The following ITGB6 variants were observed in gnomAD, a reference collection of about 807,000 sequenced individuals.
ITGB6 encodes integrin beta-6.
ITGB6 carries 80 observed loss-of-function variants against 84.5 expected under a neutral mutation model. That is an observed-to-expected ratio of 0.95 (90% CI 0.79 to 1.14). The LOEUF is 1.14. Ranked by LOEUF, ITGB6 falls within the 50% of genes most tolerant of loss-of-function variation. The pLI, the probability that ITGB6 is intolerant of heterozygous loss-of-function variation, is 0.00. For missense variants in ITGB6, 1,006 were observed against 968.0 expected (o/e 1.04, Z -0.52); for synonymous variants, 383 against 354.9 (o/e 1.08, Z -0.89).
intron 4 of ITGB6, among the ~76,000 whole-genome samples, chr2:160,177,336 G>A (rs554863055): frequency 2.6e-5 from 4 of 152,214 alleles, no homozygotes; most frequent in Non-Finnish European, 4.4e-5. Flanking sequence ...GGAGGCCGAG[G>A]TGGGCGGATC....
intron 12 of ITGB6, among the ~76,000 whole-genome samples, chr2:160,117,698 A>G (rs927135304): frequency 1.3e-5 from 2 of 152,168 alleles, no homozygotes; most frequent in East Asian, 1.9e-4. Flanking sequence ...GACACAAAAA[A>G]CCCTTCAAAA....
chr2:160,160,161 A>T (rs1684764774), intron 7 of ITGB6, among the ~76,000 whole-genome samples: 2 of 152,220 alleles, frequency 1.3e-5, no homozygotes, highest in Admixed American at 6.5e-5. Context: ...TTGAATAATC[A>T]TGACAGAAAC....
chr2:160,114,706 TG>T (rs1158685879), intron 12 of ITGB6, among the ~76,000 whole-genome samples: 1 of 152,204 alleles, frequency 6.6e-6, no homozygotes, highest in Non-Finnish European at 1.5e-5. Context: ...GGCGAGGCAT[TG>T]CCTCACTCGG....
At chr2:160,147,875 A>T (rs551367712) in intron 7 of ITGB6, among the ~76,000 whole-genome samples, 55 of 152,218 alleles carry the variant, frequency 3.6e-4, no homozygotes, top group Non-Finnish European at 7.6e-4. Flanking sequence ...CTCCAAAAAG[A>T]TAATGGTAGA....
At chr2:160,133,761 C>A (rs1235906463) in intron 10 of ITGB6, among the ~76,000 whole-genome samples, 5 of 152,188 alleles carry the variant, frequency 3.3e-5, no homozygotes, top group Admixed American at 6.5e-5. Context: ...TCACTCGAAA[C>A]TGCTCAACTA....
At chr2:160,126,039 C>G (rs1683226664) in intron 11 of ITGB6, among the ~76,000 whole-genome samples, 1 of 152,174 alleles carries the variant, frequency 6.6e-6, no homozygotes, top group African/African-American at 2.4e-5. Flanking sequence ...TGGGTGTCAT[C>G]CGTCTACCTC....
At chr2:160,135,434 C>T (rs1166124563) in intron 10 of ITGB6, among the ~76,000 whole-genome samples, 5 of 149,722 alleles carry the variant, frequency 3.3e-5, no homozygotes, top group Middle Eastern at 3.5e-3. Context: ...ACATTCCATG[C>T]TCATGGGTAG....
chr2:160,121,917 A>T (rs1252526960), intron 12 of ITGB6, among the ~76,000 whole-genome samples: 1 of 151,090 alleles, frequency 6.6e-6, no homozygotes, highest in African/African-American at 2.4e-5. Context: ...GGGGAGTAAA[A>T]TACTCCCCAG....
At chr2:160,191,898 G>A (rs552965169) in intron 4 of ITGB6, among the ~76,000 whole-genome samples, 5 of 152,102 alleles carry the variant, frequency 3.3e-5, no homozygotes, top group Middle Eastern at 3.4e-3. Context: ...AATGTTAAAC[G>A]TCCCTAGAAA....
rs761842374 is a variant in ITGB6 at position 160,112,176 on chromosome 2, A to G, written c.2005T>C (p.Ser669Pro). ...TCATTTTCTCCTTGCAGAGAGCAGGAAACAGAACCATCCTTTGAGAAATCT... is the reference window on the plus strand; with the variant it reads ...TCATTTTCTCCTTGCAGAGAGCAGGGAACAGAACCATCCTTTGAGAAATCT... ...EEDFSKDGSV[S>P]CSLQGENECL... Residue 669 changes from serine to proline, a missense_variant, in exon 13 of 15, where the codon TCC (serine) becomes CCC (proline). By Grantham distance (74) the Ser-to-Pro change is moderately conservative. Transcript: ENST00000283249. The G allele has an allele frequency of 3.6e-5, 58 of 1,612,430 alleles. 1 individual carries two copies. In the South Asian group the frequency reaches 5.3e-4, roughly 15 times the overall value.
chr2:160,107,838 C>T lies in ITGB6; in HGVS notation c.2109G>A (p.Pro703=), dbSNP rs757494668. 15 of 1,591,328 alleles carry T rather than the reference C, an allele frequency of 9.4e-6. No homozygotes were observed. Among genetic ancestry groups the T allele is most frequent in the African/African-American group, 1.3e-5 (1 of 74,368 alleles). The change falls in exon 14 of 15, where the codon CCG becomes CCA. Residue 703 remains proline, a synonymous_variant. Transcript: ENST00000283249. Reference sequence around the variant, plus strand: ...TGATCATGGGAATGTTTGGAGGCTTCGGACAATCTGCAGAAATAAAGAAAA... The same window carrying T: ...TGATCATGGGAATGTTTGGAGGCTTTGGACAATCTGCAGAAATAAAGAAAA... ...IIHSINEKDC[P]KPPNIPMIML... is the part of the protein sequence containing the mutation.
chr2:160,129,566 C>A (rs1683378535), intron 10 of ITGB6, among the ~76,000 whole-genome samples: 1 of 151,996 alleles, frequency 6.6e-6, no homozygotes, highest in Non-Finnish European at 1.5e-5. Flanking sequence ...GAAAACTATC[C>A]AGTAGGAAGA....
rs1279696049 is a variant in ITGB6 at position 160,138,085 on chromosome 2, G to T, written c.1222C>A (p.His408Asn). The T allele has an allele frequency of 1.2e-6, 2 of 1,613,094 alleles. No homozygotes were observed. Among genetic ancestry groups the T allele is most frequent in the African/African-American group, 2.7e-5 (2 of 74,874 alleles). ...TLFQHQKKCS[H>N]MKVGDTASFS... Reference sequence around the variant, plus strand: ...CTTACTGTGTCTCCCACTTTCATGTGAGAGCATTTCTTTTGGTGTTGGAAG... The same window carrying T: ...CTTACTGTGTCTCCCACTTTCATGTTAGAGCATTTCTTTTGGTGTTGGAAG... The change falls in exon 9 of 15, where the codon CAC becomes AAC. Residue 408 changes from histidine (H) to asparagine (N), a missense_variant. Physicochemically the swap from His to Asn is moderately conservative, Grantham distance 68. Transcript: ENST00000283249.
intron 7 of ITGB6, among the ~76,000 whole-genome samples, chr2:160,149,131 A>T (rs1317154457): frequency 6.6e-6 from 1 of 152,262 alleles, no homozygotes; most frequent in East Asian, 1.9e-4. Flanking sequence ...CTGAGAACAG[A>T]CAGACTGCCT....
At chr2:160,126,966 C>T (rs1030813286) in intron 10 of ITGB6, among the ~76,000 whole-genome samples, 8 of 152,186 alleles carry the variant, frequency 5.3e-5, no homozygotes, top group Middle Eastern at 3.4e-3. Context: ...GTGGGTGGTC[C>T]GACATGCCTT....
At chr2:160,171,959 T>G (rs1302234259) in intron 6 of ITGB6, among the ~76,000 whole-genome samples, 4 of 152,172 alleles carry the variant, frequency 2.6e-5, no homozygotes, top group Non-Finnish European at 5.9e-5. Flanking sequence ...TGCACAAGCA[T>G]AGCAGCCTCA....
At chr2:160,142,140 C>T (rs1684023241) in intron 7 of ITGB6, 69 bp from the exon 8 acceptor site, 2 of 990,766 alleles carry the variant, frequency 2.0e-6, no homozygotes, top group Admixed American at 2.3e-5. Context: ...TGGGTTTGAG[C>T]CTGCTGGCTA....
At chr2:160,183,290 G>T (rs983481950) in intron 4 of ITGB6, among the ~76,000 whole-genome samples, 1 of 152,066 alleles carries the variant, frequency 6.6e-6, no homozygotes, top group East Asian at 1.9e-4. Flanking sequence ...AAGGGATGGA[G>T]GAAGATTTAT....
chr2:160,170,289 G>A (rs569390003), intron 6 of ITGB6, among the ~76,000 whole-genome samples: 1 of 152,288 alleles, frequency 6.6e-6, no homozygotes, highest in African/African-American at 2.4e-5. Context: ...TTAGGCACAA[G>A]GTTCAAGTTG....
Sources: allele counts gnomAD v4.1 joint callset (sites outside exome capture counted in the v4.1 genomes callset), GRCh38; gene constraint gnomAD v4.1.1; transcripts MANE v1.5; gene names NCBI Gene and HGNC (gene_info 2026-07-23, HGNC 2026-07-21).